The following FAM178B variants were observed in gnomAD, a reference collection of about 807,000 sequenced individuals.
FAM178B encodes family with sequence similarity 178 member B.
A neutral mutation model predicts 91.7 loss-of-function variants in FAM178B; 82 were observed. That is an observed-to-expected ratio of 0.89 (90% CI 0.75 to 1.07). FAM178B has a LOEUF of 1.07. Among genes scored for constraint, FAM178B ranks in the 50% least tolerant of loss-of-function variants. The pLI is 0.00. For synonymous variants in FAM178B, 368 were observed against 359.4 expected (o/e 1.02, Z -0.27); for missense variants, 769 against 846.7 (o/e 0.91, Z 1.14).
intron 6 of FAM178B, among the ~76,000 whole-genome samples, chr2:96,952,149 G>C (rs2081938248): frequency 6.6e-6 from 1 of 152,154 alleles, no homozygotes; most frequent in African/African-American, 2.4e-5. Context: ...CTTAGCCTCG[G>C]GTTCCTCCAG....
chr2:96,948,212 T>C (rs2081863047), intron 7 of FAM178B, among the ~76,000 whole-genome samples: 1 of 152,230 alleles, frequency 6.6e-6, no homozygotes, highest in East Asian at 1.9e-4. Context: ...TTGGTCCCTC[T>C]GCCCCTCGCT....
Position 96,972,075 on chromosome 2 carries a change from CG to C in FAM178B, c.389del (p.Pro130ArgfsTer14), listed in dbSNP as rs1559104883. 4 of 1,539,196 alleles carry C rather than the reference CG, an allele frequency of 2.6e-6. No homozygotes were observed. In the Admixed American group the frequency reaches 8.1e-5, roughly 31 times the overall value. ...PRVLQASREA[P>X]AQRWVGVVGP... is the part of the protein sequence containing the mutation. ...CCACCACACCCACCCACCTCTGGGC[CG>C]GGGCCTCCCGACTGGCCTGCAGCAC... On this transcript the variant is annotated frameshift_variant, in exon 3 of 17. Coordinates refer to ENST00000490605, the MANE Select transcript of FAM178B (RefSeq NM_001122646.3). LOFTEE classifies it high-confidence loss of function.
chr2:96,882,935 C>T (rs969399081), intron 14 of FAM178B, among the ~76,000 whole-genome samples: 2 of 152,260 alleles, frequency 1.3e-5, no homozygotes, highest in African/African-American at 4.8e-5. Context: ...GGACCCAATA[C>T]TGACAAGAAA....
Position 96,923,582 on chromosome 2 carries a change from C to G in FAM178B, c.1195G>C (p.Val399Leu), listed in dbSNP as rs2081382820. 1.3e-6 allele frequency: 2 copies of G among 1,551,368 alleles called. No individual in the cohort carries two copies. The highest frequency in any genetic ancestry group is 1.7e-6 in the Non-Finnish European group (2 of 1,146,800). ...TTCAGGCCAGCCTCGCCTGGAAGCA[C>G]CCTGTGGTAAGACAACAACAGTGAC... Reference protein sequence around the residue: ...PLGPFWHGGRVLPGEAGLNEN... With the variant: ...PLGPFWHGGRLLPGEAGLNEN... Residue 399 changes from valine (V) to leucine (L), a missense_variant and splice_region_variant, in exon 10 of 17, where the codon GTG (valine) becomes CTG (leucine). Val to Leu is a conservative substitution (Grantham distance 32). Transcript: ENST00000490605.
At chr2:96,904,505 G>A (rs1559062899) in intron 12 of FAM178B, among the ~76,000 whole-genome samples, 3 of 150,596 alleles carry the variant, frequency 2.0e-5, no homozygotes, top group Non-Finnish European at 4.4e-5. Context: ...CCAAGTAGCT[G>A]GGACTACAGT....
Position 96,878,575 on chromosome 2 carries a change from C to G in FAM178B, c.1777-82G>C. ...GTGCCCTCCACCTGCACACTCCCCACTCTCAGGCTTGGCAGGCCAGGCAGG... is the reference window on the plus strand; with the variant it reads ...GTGCCCTCCACCTGCACACTCCCCAGTCTCAGGCTTGGCAGGCCAGGCAGG... On this transcript the variant is annotated intron_variant, in intron 14 of 16. Coordinates refer to ENST00000490605, the MANE Select transcript of FAM178B (RefSeq NM_001122646.3). 4.5e-6 allele frequency: 6 copies of G among 1,340,066 alleles called. No homozygotes were observed. In the South Asian group the frequency reaches 6.0e-5, roughly 13 times the overall value. 83.0% of individuals were successfully genotyped at this position (1,340,066 alleles called of 1,614,324 possible).
intron 10 of FAM178B, among the ~76,000 whole-genome samples, chr2:96,923,205 T>C (rs2081373896): frequency 6.6e-6 from 1 of 152,032 alleles, no homozygotes; most frequent in East Asian, 1.9e-4. Flanking sequence ...ACTCCTGACC[T>C]CAAATGATCC....
Position 96,921,148 on chromosome 2 carries a change from G to A in FAM178B, c.1562+17C>T, listed in dbSNP as rs540161883. 33 of 1,540,902 alleles carry A rather than the reference G, an allele frequency of 2.1e-5. No individual in the cohort carries two copies. Among genetic ancestry groups the A allele is most frequent in the African/African-American group, 6.9e-5 (5 of 72,896 alleles). On this transcript the variant is annotated intron_variant, in intron 12 of 16. Transcript: ENST00000490605. Reference sequence around the variant, plus strand: ...ATGCGTGTGAGAGGGAGGAGGCAGCGGGGGAGCAGCACGCACCTGCTCCGG... The same window carrying A: ...ATGCGTGTGAGAGGGAGGAGGCAGCAGGGGAGCAGCACGCACCTGCTCCGG...
At chr2:96,959,837 G>A (rs2082055242) in intron 6 of FAM178B, among the ~76,000 whole-genome samples, 1 of 152,242 alleles carries the variant, frequency 6.6e-6, no homozygotes, top group Non-Finnish European at 1.5e-5. Flanking sequence ...TATTGTTAGA[G>A]CATGTGCCTG....
intron 14 of FAM178B, among the ~76,000 whole-genome samples, chr2:96,885,235 T>G (rs1313238612): frequency 8.5e-5 from 13 of 152,236 alleles, no homozygotes; most frequent in Admixed American, 8.5e-4. Context: ...AATGGAAGTT[T>G]GCTTTTGGGC....
chr2:96,983,654 G>T (rs908613334), intron 1 of FAM178B, among the ~76,000 whole-genome samples: 2 of 151,586 alleles, frequency 1.3e-5, no homozygotes, highest in Non-Finnish European at 2.9e-5. Context: ...CAAACTCCTA[G>T]GCTCAGGTGA....
chr2:96,879,725 G>A (rs1375301071), intron 14 of FAM178B, among the ~76,000 whole-genome samples: 1 of 152,266 alleles, frequency 6.6e-6, no homozygotes, highest in Non-Finnish European at 1.5e-5. Flanking sequence ...GGCAGGCAGA[G>A]AAGACACAGT....
At chr2:96,879,860 G>C (rs994221959) in intron 14 of FAM178B, among the ~76,000 whole-genome samples, 4 of 152,078 alleles carry the variant, frequency 2.6e-5, no homozygotes, top group African/African-American at 9.7e-5. Flanking sequence ...GAGTTGCCCG[G>C]CCCAGCTGGC....
chr2:96,876,085 C>T lies in FAM178B; in HGVS notation c.*191G>A, dbSNP rs1317159797. On this transcript the variant is annotated 3_prime_UTR_variant, in exon 17 of 17. Transcript: ENST00000490605. Reference sequence around the variant, plus strand: ...ATCCCTTGCTGAGAGGAGAGGGGGTCGGGGCGGTGGCAGAGGCAGGCTCTT... The same window carrying T: ...ATCCCTTGCTGAGAGGAGAGGGGGTTGGGGCGGTGGCAGAGGCAGGCTCTT... 35 of 569,536 alleles carry T rather than the reference C, an allele frequency of 6.1e-5. No homozygotes were observed. Among genetic ancestry groups the T allele is most frequent in the East Asian group, 4.4e-4 (15 of 34,162 alleles). 35.3% of individuals were successfully genotyped at this position (569,536 alleles called of 1,614,324 possible).
chr2:96,900,170 C>T (rs2080900092), intron 13 of FAM178B, among the ~76,000 whole-genome samples: 1 of 152,176 alleles, frequency 6.6e-6, no homozygotes, highest in African/African-American at 2.4e-5. Context: ...CTGGGCCTGT[C>T]CGTCAGCCTG....
At chr2:96,954,653 GC>G (rs1215810782) in intron 6 of FAM178B, among the ~76,000 whole-genome samples, 1 of 152,268 alleles carries the variant, frequency 6.6e-6, no homozygotes, top group Non-Finnish European at 1.5e-5. Flanking sequence ...CTGGGCCTTT[GC>G]CAAGTTACTC....
chr2:96,939,641 T>G (rs949729150), intron 8 of FAM178B, among the ~76,000 whole-genome samples: 2 of 151,902 alleles, frequency 1.3e-5, no homozygotes, highest in Non-Finnish European at 2.9e-5. Flanking sequence ...AGAAAAGAAA[T>G]GCAGAGAGGT....
chr2:96,963,517 C>T (rs577343403), intron 5 of FAM178B, among the ~76,000 whole-genome samples: 18 of 152,326 alleles, frequency 1.2e-4, no homozygotes, highest in South Asian at 8.3e-4. Context: ...ACGTCATGGC[C>T]GGCTGCCTTT....
intron 12 of FAM178B, among the ~76,000 whole-genome samples, chr2:96,920,836 A>C (rs908301340): frequency 5.9e-5 from 9 of 152,206 alleles, no homozygotes; most frequent in African/African-American, 2.2e-4. Context: ...GAGTCGGGTG[A>C]TCAGGGGACA....
Sources: allele counts gnomAD v4.1 joint callset (sites outside exome capture counted in the v4.1 genomes callset), GRCh38; gene constraint gnomAD v4.1.1; transcripts MANE v1.5; gene names NCBI Gene and HGNC (gene_info 2026-07-23, HGNC 2026-07-21).